DEPDC4: variants seen among roughly 807,000 people sequenced by gnomAD.
DEPDC4 encodes DEP domain-containing protein 4.
DEPDC4 carries 52 observed loss-of-function variants against 52.0 expected under a neutral mutation model. That is an observed-to-expected ratio of 1.00 (90% CI 0.80 to 1.26). The LOEUF (loss-of-function observed/expected upper bound fraction) is 1.26. Ranked by LOEUF, DEPDC4 falls within the 50% of genes most tolerant of loss-of-function variation. The pLI is 0.00. For missense variants in DEPDC4, 530 were observed against 546.9 expected (o/e 0.97, Z 0.31); for synonymous variants, 201 against 196.8 (o/e 1.02, Z -0.18).
upstream of DEPDC4, chr12:100,267,553 C>T (rs143748763): frequency 0.033 from 5,005 of 152,682 alleles, 107 homozygotes; most frequent in African/African-American, 0.06. Context: ...ACGGGCCTGC[C>T]GGCGGCCGGC....
intron 3 of DEPDC4, among the ~76,000 whole-genome samples, chr12:100,258,383 C>T (rs925972945): frequency 2.0e-5 from 3 of 151,746 alleles, no homozygotes; most frequent in Non-Finnish European, 2.9e-5. Context: ...AATAAGAGAT[C>T]GGAATTAGAA....
At chr12:100,268,472 A>G (rs2096282638), upstream of DEPDC4, among the ~76,000 whole-genome samples, 2 of 152,318 alleles carry the variant, frequency 1.3e-5, no homozygotes, top group East Asian at 3.9e-4. Flanking sequence ...AAATCAGCTG[A>G]GTATATAAAT....
intron 3 of DEPDC4, among the ~76,000 whole-genome samples, chr12:100,260,870 T>G (rs2153921382): frequency 6.6e-6 from 1 of 150,796 alleles, no homozygotes; most frequent in South Asian, 2.1e-4. Context: ...CACTTCTGCC[T>G]GGGCGAAAGA....
chr12:100,249,329 A>C (rs1385947853), intron 7 of DEPDC4, among the ~76,000 whole-genome samples: 1 of 152,184 alleles, frequency 6.6e-6, no homozygotes, highest in East Asian at 1.9e-4. Flanking sequence ...TAGTAGCTCT[A>C]AAATACACTA....
At chr12:100,254,501 T>G (rs1256505484) in intron 4 of DEPDC4, among the ~76,000 whole-genome samples, 4 of 151,868 alleles carry the variant, frequency 2.6e-5, no homozygotes, top group Non-Finnish European at 4.4e-5. Context: ...AATTTTTGTA[T>G]TTTGCATAGA....
At chr12:100,234,254 T>G (rs2096138233) in intron 9 of DEPDC4, among the ~76,000 whole-genome samples, 3 of 152,188 alleles carry the variant, frequency 2.0e-5, no homozygotes, top group Admixed American at 2.0e-4. Context: ...GATTTTGCAG[T>G]CAGAGAGAGA....
chr12:100,275,635 G>A, the DEPDC4 span, among the ~76,000 whole-genome samples: 2 of 152,064 alleles, frequency 1.3e-5, no homozygotes, highest in Non-Finnish European at 2.9e-5. Context: ...GGAATAAATT[G>A]TATTCTTTCT....
chr12:100,242,882 A>C (rs2096165851), intron 8 of DEPDC4, among the ~76,000 whole-genome samples: 1 of 152,186 alleles, frequency 6.6e-6, no homozygotes, highest in Non-Finnish European at 1.5e-5. Flanking sequence ...GCAAAATCCC[A>C]GCTCTTAATC....
In DEPDC4 at chr12:100,252,683, T is replaced by C; in HGVS notation, c.1106-147A>G. The C allele has an allele frequency of 7.4e-6, 5 of 678,786 alleles. No homozygotes were observed. In the South Asian group the frequency reaches 1.4e-4, roughly 19 times the overall value. The allele number at this position is 678,786 out of a possible 1,614,324, so 42.0% of individuals were successfully genotyped here. ...AATTAAAATTTTTTATTATGGAATATTTCAAACACACAGGAAATTATCTTT... is the reference window on the plus strand; with the variant it reads ...AATTAAAATTTTTTATTATGGAATACTTCAAACACACAGGAAATTATCTTT... On this transcript the variant is annotated intron_variant, in intron 5 of 9. Transcript: ENST00000550587.
intron 1 of DEPDC4, 100 bp from the exon 2 acceptor site, chr12:100,263,993 G>A: frequency 9.8e-7 from 1 of 1,024,842 alleles, no homozygotes; most frequent in East Asian, 2.6e-5. Context: ...AGGCATATCT[G>A]CTGGTAATGT....
downstream of DEPDC4, chr12:100,238,094 G>C (rs2096144636): frequency 1.0e-6 from 1 of 978,628 alleles, no homozygotes; most frequent in Non-Finnish European, 1.2e-6. Context: ...TCTTCCACTG[G>C]AAGTATACTA....
chr12:100,253,544 ATC>A lies in DEPDC4; in HGVS notation c.1048_1049del (p.Asp350LeufsTer5). The part of the protein sequence containing the change: ...VIAKYYAQER[D>X]CLLTDEYFDI... ...CAAAATACTCATCAGTTAATAGGCA[ATC>A]TCTCTCTTGAGCATAGTATTTTGCT... is the stretch of plus-strand genomic sequence containing the variant. On this transcript the variant is annotated frameshift_variant, in exon 5 of 10. Coordinates refer to ENST00000550587, the MANE Select transcript of DEPDC4 (RefSeq NM_001364818.2). LOFTEE classifies it high-confidence loss of function. The A allele has an allele frequency of 7.8e-7, 1 of 1,288,394 alleles. No individual in the cohort carries two copies. The highest frequency in any genetic ancestry group is 1.0e-6 in the Non-Finnish European group (1 of 988,194). The allele number at this position is 1,288,394 out of a possible 1,614,324, so 79.8% of individuals were successfully genotyped here.
In DEPDC4 at chr12:100,253,529, A is replaced by G. The variant is rs1349577825; in HGVS notation, c.1065T>C (p.Asp355=). ...YAQERDCLLT[D]EYFDIHSGII... ...TTCCTGAATGAATATCAAAATACTC[A>G]TCAGTTAATAGGCAATCTCTCTCTT... The change falls in exon 5 of 10, where the codon GAT becomes GAC. Residue 355 remains aspartate, a synonymous_variant. Transcript: ENST00000550587. The G allele has an allele frequency of 2.3e-6, 3 of 1,286,654 alleles. No individual in the cohort carries two copies. The African/African-American group carries it at 4.6e-5, about 20-fold the overall frequency. 79.7% of individuals were successfully genotyped at this position (1,286,654 alleles called of 1,614,324 possible).
chr12:100,243,425 C>T (rs2096168726), intron 8 of DEPDC4, among the ~76,000 whole-genome samples: 2 of 152,194 alleles, frequency 1.3e-5, no homozygotes, highest in Admixed American at 1.3e-4. Flanking sequence ...TGTAAACCCT[C>T]AGACAATATG....
At chr12:100,267,256 G>T (rs2096278584), upstream of DEPDC4, 1 of 637,770 alleles carries the variant, frequency 1.6e-6, no homozygotes, top group Non-Finnish European at 2.6e-6. Context: ...GACGTTTGCG[G>T]CCGCGGGGGC....
upstream of DEPDC4, chr12:100,267,151 T>C (rs531126262): frequency 2.0e-6 from 3 of 1,506,754 alleles, no homozygotes; most frequent in Non-Finnish European, 1.8e-6. Context: ...GGAAGTGACG[T>C]CATGCCCCCG....
chr12:100,243,626 G>T (rs1030910518), intron 8 of DEPDC4, among the ~76,000 whole-genome samples: 6 of 151,956 alleles, frequency 3.9e-5, no homozygotes, highest in Admixed American at 2.6e-4. Context: ...TCCAGGGCCT[G>T]CCTCCACCAG....
downstream of DEPDC4, among the ~76,000 whole-genome samples, chr12:100,235,266 T>C (rs1837293329): frequency 6.6e-6 from 1 of 152,008 alleles, no homozygotes; most frequent in Non-Finnish European, 1.5e-5. Flanking sequence ...ACTCATCTGA[T>C]AGTATTTTCC....
At chr12:100,238,458 C>G (rs961559268), downstream of DEPDC4, among the ~76,000 whole-genome samples, 26 of 150,754 alleles carry the variant, frequency 1.7e-4, no homozygotes, top group African/African-American at 6.4e-4. Context: ...CCACACCCAG[C>G]CTTTCTTTTT....
Sources: gnomAD v4.1 joint callset for allele counts (sites outside exome capture counted in the v4.1 genomes callset) on GRCh38, gnomAD v4.1.1 for gene constraint, MANE v1.5 for transcripts, NCBI Gene and HGNC (gene_info 2026-07-23, HGNC 2026-07-21) for gene names.